UNC13A: variants seen among roughly 807,000 people sequenced by gnomAD.
The protein encoded by UNC13A is protein unc-13 homolog A.
Under a neutral mutation model 219.7 loss-of-function variants are expected in UNC13A, and 61 were observed. That is an observed-to-expected ratio of 0.28 (90% CI 0.23 to 0.34). The LOEUF is 0.34. Ranked by LOEUF, UNC13A falls within the 10% of genes least tolerant of loss-of-function variation. The pLI, the probability that UNC13A is intolerant of heterozygous loss-of-function variation, is 1.00. For missense variants in UNC13A, 1,476 were observed against 2,270.3 expected, an observed-to-expected ratio of 0.65 and a Z score of 7.11; for synonymous variants, 920 against 884.6, an observed-to-expected ratio of 1.04 and a Z score of -0.71.
chr19:17,633,085 G>A (rs755267579), intron 27 of UNC13A, 23 bp downstream of exon 27: 4 of 1,613,562 alleles, frequency 2.5e-6, no homozygotes, highest in Non-Finnish European at 3.4e-6. Context: ...CCAGGCTGGG[G>A]AACACTGGGG....
chr19:17,624,780 C>G, intron 35 of UNC13A, 49 bp downstream of exon 35: 4 of 1,575,868 alleles, frequency 2.5e-6, no homozygotes, highest in South Asian at 2.3e-5. Flanking sequence ...TCTGGGCTCT[C>G]GCCAGGGAGG....
At chr19:17,613,702 C>CTTTTTTTTTTTTTTTT (rs1157023997) in intron 41 of UNC13A, 1 of 124,248 alleles carries the variant, frequency 8.0e-6, no homozygotes, top group African/African-American at 3.0e-5. Flanking sequence ...TCTTAAGTTT[C>CTTTTTTTTTTTTTTTT]TTTTTTTTTT....
rs549468146 is a variant in UNC13A at position 17,602,805 on chromosome 19, G to A, written c.*3249C>T. The A allele has an allele frequency of 6.6e-6, 1 of 152,416 alleles. No individual in the cohort carries two copies. Among genetic ancestry groups the A allele is most frequent in the South Asian group, 2.1e-4 (1 of 4,828 alleles). The allele number at this position is 152,416 out of a possible 1,614,324, so 9.4% of individuals were successfully genotyped here. Reference sequence around the variant, plus strand: ...ACAGACATGGACAGACATGCATGCGGATGTGTATTCTCACACTGACCCTGC... The same window carrying A: ...ACAGACATGGACAGACATGCATGCGAATGTGTATTCTCACACTGACCCTGC... On this transcript the variant is annotated 3_prime_UTR_variant, in exon 44 of 44. Coordinates refer to ENST00000519716, the MANE Select transcript of UNC13A (RefSeq NM_001080421.3).
chr19:17,653,889 C>T (rs544851961), intron 11 of UNC13A, among the ~76,000 whole-genome samples: 18 of 141,258 alleles, frequency 1.3e-4, no homozygotes, highest in African/African-American at 4.0e-4. Context: ...TGCAGTGGCG[C>T]GATCTCGGCT....
At chr19:17,675,899 C>T (rs1474790250) in intron 2 of UNC13A, 113 bp downstream of exon 2, 1 of 1,364,590 alleles carries the variant, frequency 7.3e-7, no homozygotes, top group South Asian at 1.2e-5. Flanking sequence ...TCCTGATGCT[C>T]AGAAGACATA....
At chr19:17,636,221 T>C (rs950958380) in intron 25 of UNC13A, 64 bp from the exon 26 acceptor site, 26 of 1,500,750 alleles carry the variant, frequency 1.7e-5, no homozygotes, top group Non-Finnish European at 2.1e-5. Context: ...GGTCAGTTTA[T>C]TACTGAAGAA....
intron 1 of UNC13A, 97 bp from the exon 2 acceptor site, chr19:17,676,138 G>T: frequency 3.2e-6 from 4 of 1,245,152 alleles, no homozygotes; most frequent in Non-Finnish European, 4.6e-6. Context: ...CCAAGATGGA[G>T]ACATAAGGAG....
intron 9 of UNC13A, 36 bp from the exon 10 acceptor site, chr19:17,656,434 C>A: frequency 6.8e-7 from 1 of 1,468,516 alleles, no homozygotes; most frequent in Non-Finnish European, 9.0e-7. Flanking sequence ...GACTGGGGTA[C>A]CGAGTCACTG....
At chr19:17,676,223 G>A (rs2079896862) in intron 1 of UNC13A, 182 bp from the exon 2 acceptor site, 1 of 724,152 alleles carries the variant, frequency 1.4e-6, no homozygotes, top group Middle Eastern at 2.4e-4. Flanking sequence ...TAGAAGCAAT[G>A]TCAGAGACAG....
At chr19:17,609,570 G>A (rs1323799781) in intron 43 of UNC13A, among the ~76,000 whole-genome samples, 5 of 151,316 alleles carry the variant, frequency 3.3e-5, no homozygotes, top group Non-Finnish European at 7.4e-5. Flanking sequence ...GCTCATAAGC[G>A]TCATCACTGC....
intron 40 of UNC13A, 53 bp from the exon 41 acceptor site, chr19:17,617,902 CAT>C (rs1478120664): frequency 6.2e-7 from 1 of 1,605,428 alleles, no homozygotes; most frequent in Non-Finnish European, 8.5e-7. Flanking sequence ...TCTACCCACT[CAT>C]AGGGCTGGGT....
At chr19:17,661,414 C>A (rs1036710115) in intron 8 of UNC13A, among the ~76,000 whole-genome samples, 5 of 152,000 alleles carry the variant, frequency 3.3e-5, no homozygotes, top group African/African-American at 1.2e-4. Context: ...AGAGGACTGG[C>A]CAGGCATGGT....
chr19:17,654,134 C>T (rs562885614), intron 11 of UNC13A, among the ~76,000 whole-genome samples: 3 of 152,308 alleles, frequency 2.0e-5, no homozygotes, highest in South Asian at 4.1e-4. Context: ...GCCATCACTT[C>T]TCCTTAAGTG....
At chr19:17,636,264 A>G (rs1024706402) in intron 25 of UNC13A, 107 bp from the exon 26 acceptor site, 8 of 1,336,820 alleles carry the variant, frequency 6.0e-6, no homozygotes, top group East Asian at 2.5e-5. Context: ...TCCCATCATC[A>G]TGTGTATGGT....
Position 17,606,128 on chromosome 19 carries a change from C to G in UNC13A, c.5038G>C (p.Val1680Leu). The G allele has an allele frequency of 5.6e-6, 9 of 1,594,936 alleles. No homozygotes were observed. The highest frequency in any genetic ancestry group is 7.7e-6 in the Non-Finnish European group (9 of 1,172,518). The change falls in exon 44 of 44, where the codon GTG becomes CTG. Residue 1680 changes from valine to leucine, a missense_variant. Around this residue, in one of 14 missense-constraint regions of UNC13A, gnomAD observed 187 missense variants for 172.3 expected, o/e 1.09. Coordinates refer to ENST00000519716, the MANE Select transcript of UNC13A (RefSeq NM_001080421.3). Reference protein sequence around the residue: ...RILSQRSNDEVAKEFVKLKSD... With the variant: ...RILSQRSNDELAKEFVKLKSD... The stretch of plus-strand genomic sequence containing the variant: ...TTGAGCTTCACGAACTCCTTGGCCA[C>G]CTCGTCGTTGCTGCGCTGCGAGAGG...
chr19:17,608,915 T>TC (rs1164037026), intron 43 of UNC13A, among the ~76,000 whole-genome samples: 1 of 151,414 alleles, frequency 6.6e-6, no homozygotes, highest in African/African-American at 2.4e-5. Context: ...CCTCCCAAAG[T>TC]GTTGAGCTTA....
At chr19:17,667,054 C>A (rs1025617063) in intron 6 of UNC13A, among the ~76,000 whole-genome samples, 1 of 152,076 alleles carries the variant, frequency 6.6e-6, no homozygotes, top group East Asian at 1.9e-4. Flanking sequence ...GAGATCGAGA[C>A]CATCCTAGCT....
intron 16 of UNC13A, among the ~76,000 whole-genome samples, chr19:17,647,842 CCT>C (rs1342856704): frequency 1.0e-4 from 15 of 144,806 alleles, no homozygotes; most frequent in Non-Finnish European, 1.7e-4. Flanking sequence ...ATCTCCGCCC[CCT>C]CTCTGAGTCC....
intron 17 of UNC13A, 76 bp downstream of exon 17, chr19:17,647,189 G>C: frequency 7.3e-7 from 1 of 1,362,110 alleles, no homozygotes; most frequent in Non-Finnish European, 1.0e-6. Flanking sequence ...AGAGGGACCA[G>C]GCCATGGGAC....
Sources: allele counts gnomAD v4.1 joint callset (sites outside exome capture counted in the v4.1 genomes callset), GRCh38; gene constraint gnomAD v4.1.1; regional missense constraint gnomAD v4.1.1; transcripts MANE v1.5; gene names NCBI Gene and HGNC (gene_info 2026-07-23, HGNC 2026-07-21).